Variants in FAM13A observed in about 807,000 individuals in gnomAD.
FAM13A encodes the protein family with sequence similarity 13 member A, also known as protein FAM13A.
A neutral mutation model predicts 129.6 loss-of-function variants in FAM13A; 76 were observed. The observed-to-expected ratio is 0.59, with a 90% confidence interval of 0.49 to 0.71. The LOEUF is 0.71. Among genes scored for constraint, FAM13A ranks in the 30% least tolerant of loss-of-function variants. The pLI is 0.00. For synonymous variants in FAM13A, 443 were observed against 449.9 expected, an observed-to-expected ratio of 0.98 and a Z score of 0.20; for missense variants, 1,108 against 1,249.3, an observed-to-expected ratio of 0.89 and a Z score of 1.70.
chr4:88,973,495 C>T (rs985382042), intron 4 of FAM13A, among the ~76,000 whole-genome samples: 1 of 152,116 alleles, frequency 6.6e-6, no homozygotes, highest in Non-Finnish European at 1.5e-5. Flanking sequence ...TCTAGCATTG[C>T]TTTTGGTTCT....
intron 5 of FAM13A, among the ~76,000 whole-genome samples, chr4:88,922,634 TA>T (rs1163127962): frequency 1.3e-5 from 2 of 151,844 alleles, no homozygotes; most frequent in Non-Finnish European, 2.9e-5. Context: ...ACATCACAAT[TA>T]AAAGAACTAG....
intron 7 of FAM13A, among the ~76,000 whole-genome samples, chr4:88,848,669 T>C (rs1421217692): frequency 6.6e-6 from 1 of 152,210 alleles, no homozygotes; most frequent in Non-Finnish European, 1.5e-5. Context: ...CTTTCATCTT[T>C]CCTTGTTCCT....
intron 6 of FAM13A, among the ~76,000 whole-genome samples, chr4:88,872,528 A>G (rs892524569): frequency 4.6e-5 from 7 of 152,232 alleles, no homozygotes; most frequent in Admixed American, 2.6e-4. Flanking sequence ...CAAAGATCAA[A>G]AGAGACAAAG....
intron 6 of FAM13A, among the ~76,000 whole-genome samples, chr4:88,860,123 T>C (rs1384950071): frequency 6.6e-6 from 1 of 152,196 alleles, no homozygotes; most frequent in Non-Finnish European, 1.5e-5. Flanking sequence ...CCAAAAATAA[T>C]ACATTCAAAA....
chr4:88,987,784 G>C (rs1762424606), intron 4 of FAM13A, among the ~76,000 whole-genome samples: 1 of 140,082 alleles, frequency 7.1e-6, no homozygotes, highest in Non-Finnish European at 1.5e-5. Context: ...GGAGCTTGCA[G>C]TGAGCCAAGA....
intron 4 of FAM13A, among the ~76,000 whole-genome samples, chr4:88,961,589 G>C (rs535879086): frequency 6.6e-6 from 1 of 151,812 alleles, no homozygotes; most frequent in African/African-American, 2.4e-5. Flanking sequence ...GGCTGGTCTC[G>C]AACTCCTGAC....
intron 8 of FAM13A, among the ~76,000 whole-genome samples, chr4:88,799,455 A>T (rs1026050272): frequency 6.6e-6 from 1 of 151,932 alleles, no homozygotes; most frequent in African/African-American, 2.4e-5. Context: ...TAAACGTAGA[A>T]CTACCATATG....
chr4:88,738,201 G>C (rs990466059), intron 20 of FAM13A, among the ~76,000 whole-genome samples: 1 of 152,164 alleles, frequency 6.6e-6, no homozygotes, highest in Non-Finnish European at 1.5e-5. Flanking sequence ...GGCCAGACAG[G>C]AGCAGCAGCT....
intron 6 of FAM13A, among the ~76,000 whole-genome samples, chr4:88,873,309 T>G (rs1561216876): frequency 6.6e-6 from 1 of 151,762 alleles, no homozygotes; most frequent in African/African-American, 2.4e-5. Context: ...CTGAAGGAAA[T>G]AGAGACACAA....
chr4:89,000,750 A>G (rs774445831), intron 3 of FAM13A, among the ~76,000 whole-genome samples: 1 of 152,232 alleles, frequency 6.6e-6, no homozygotes, highest in Non-Finnish European at 1.5e-5. Flanking sequence ...GAAAAAATTA[A>G]GCATGGGAAA....
intron 3 of FAM13A, among the ~76,000 whole-genome samples, chr4:89,009,661 C>T (rs1325627721): frequency 6.6e-6 from 1 of 152,132 alleles, no homozygotes; most frequent in Non-Finnish European, 1.5e-5. Flanking sequence ...GTCAATATTG[C>T]AAACCATATA....
rs574113766 is a variant in FAM13A at position 88,979,665 on chromosome 4, T to A, written c.605+11308A>T. On this transcript the variant is annotated intron_variant, in intron 4 of 23. Coordinates refer to ENST00000264344, the MANE Select transcript of FAM13A (RefSeq NM_014883.4). ...GAACTCAATAAATATTGCCTATTAT[T>A]ATTATTGCCAAGAAAAAAAACTAAT... Among the ~76,000 whole-genome samples, 4 of 152,222 alleles carry A rather than the reference T, an allele frequency of 2.6e-5. No individual in the cohort carries two copies. In the South Asian group the frequency reaches 8.3e-4, roughly 32 times the overall value.
chr4:88,728,979 C>A, intron 23 of FAM13A: 1 of 174,906 alleles, frequency 5.7e-6, no homozygotes. Context: ...ATCTTTTATT[C>A]ATACTTAATG....
chr4:88,925,912 G>T (rs977035989), intron 5 of FAM13A, among the ~76,000 whole-genome samples: 4 of 152,110 alleles, frequency 2.6e-5, no homozygotes, highest in Non-Finnish European at 4.4e-5. Flanking sequence ...GATGGGGAGG[G>T]CTTCGTGGAG....
intron 7 of FAM13A, chr4:88,823,393 T>G: frequency 1.1e-6 from 1 of 918,628 alleles, no homozygotes; most frequent in Non-Finnish European, 1.3e-6. Context: ...TCCTCCTCCT[T>G]CTCTCCTCCT....
intron 6 of FAM13A, among the ~76,000 whole-genome samples, chr4:88,856,330 A>C (rs1029515630): frequency 1.4e-4 from 22 of 151,990 alleles, no homozygotes; most frequent in African/African-American, 5.3e-4. Flanking sequence ...ATAATTAAAA[A>C]AAAAATAGCC....
At chr4:88,863,026 A>G (rs1441093120) in intron 6 of FAM13A, among the ~76,000 whole-genome samples, 1 of 151,976 alleles carries the variant, frequency 6.6e-6, no homozygotes, top group African/African-American at 2.4e-5. Context: ...ATTTGGTCTT[A>G]GTCCCTGGTT....
chr4:88,971,887 A>T (rs975523717), intron 4 of FAM13A, among the ~76,000 whole-genome samples: 1 of 152,240 alleles, frequency 6.6e-6, no homozygotes, highest in Non-Finnish European at 1.5e-5. Flanking sequence ...GAGAATATAA[A>T]GAAAACTTTA....
rs188389876 is a variant in FAM13A, at chr4:88,823,107, G to A, written c.1008-18055C>T. 9 of 1,581,648 alleles carry A rather than the reference G, an allele frequency of 5.7e-6. No homozygotes were observed. In the African/African-American group the frequency reaches 1.2e-4, roughly 21 times the overall value. ...TTCTTACAGTGGCTAAGCTGGGTTG[G>A]GGGCATGAGGCTGCACCGCACGGCT... On this transcript the variant is annotated intron_variant, in intron 7 of 23. Coordinates refer to ENST00000264344, the MANE Select transcript of FAM13A (RefSeq NM_014883.4).
Sources: allele counts gnomAD v4.1 joint callset (sites outside exome capture counted in the v4.1 genomes callset), GRCh38; gene constraint gnomAD v4.1.1; transcripts MANE v1.5; gene names NCBI Gene and HGNC (gene_info 2026-07-23, HGNC 2026-07-21).